The following SCN11A variants were observed in gnomAD, a reference collection of about 807,000 sequenced individuals.
SCN11A encodes sodium voltage-gated channel alpha subunit 11.
In SCN11A, 122 loss-of-function variants were observed where a neutral mutation model predicts 162.2. The ratio of observed to expected loss-of-function variants is 0.75; its 90% CI spans 0.65 to 0.87. SCN11A has a LOEUF of 0.87. Ranked by LOEUF, SCN11A falls within the 40% of genes least tolerant of loss-of-function variation. The pLI is 0.00. For synonymous variants in SCN11A, 758 were observed against 751.5 expected, an observed-to-expected ratio of 1.01 and a Z score of -0.14; for missense variants, 2,015 against 2,181.6, an observed-to-expected ratio of 0.92 and a Z score of 1.52.
intron 2 of SCN11A, among the ~76,000 whole-genome samples, chr3:38,973,262 C>T (rs1372199383): frequency 1.3e-5 from 2 of 152,074 alleles, no homozygotes; most frequent in South Asian, 2.1e-4. Context: ...TTTTTAATTG[C>T]TATATTCGTT....
chr3:38,984,984 G>A (rs926235870), intron 2 of SCN11A, among the ~76,000 whole-genome samples: 3 of 151,202 alleles, frequency 2.0e-5, no homozygotes, highest in Admixed American at 6.6e-5. Flanking sequence ...ATGAGGCAGA[G>A]ATGTAGGCAG....
chr3:38,855,909 C>T (rs750102382), intron 28 of SCN11A, among the ~76,000 whole-genome samples: 2 of 152,200 alleles, frequency 1.3e-5, no homozygotes, highest in Non-Finnish European at 2.9e-5. Context: ...AAACATTCCC[C>T]AGCACCACCC....
At chr3:38,951,366 C>G (rs1312079393) in intron 4 of SCN11A, among the ~76,000 whole-genome samples, 1 of 152,264 alleles carries the variant, frequency 6.6e-6, no homozygotes, top group Non-Finnish European at 1.5e-5. Context: ...CGATTTCTCA[C>G]CGGGCCTTAG....
intron 8 of SCN11A, among the ~76,000 whole-genome samples, chr3:38,925,899 G>A (rs1013479143): frequency 2.0e-5 from 3 of 152,254 alleles, no homozygotes; most frequent in Non-Finnish European, 4.4e-5. Context: ...TAGCCAGGCA[G>A]TGTAGCTCCA....
chr3:39,051,856 T>A lies in SCN11A; in HGVS notation c.-404+5A>T. 1 of 728,992 alleles carries A rather than the reference T, an allele frequency of 1.4e-6. No homozygotes were observed. Among genetic ancestry groups the A allele is most frequent in the Non-Finnish European group, 2.3e-6 (1 of 431,280 alleles). 45.2% of individuals were successfully genotyped at this position (728,992 alleles called of 1,614,324 possible). Reference sequence around the variant, plus strand: ...CACAGTGGTTTTGTTTTTAGGTGCATCTACCTCATCACATGGCTACCGGCC... The same window carrying A: ...CACAGTGGTTTTGTTTTTAGGTGCAACTACCTCATCACATGGCTACCGGCC... On this transcript the variant is annotated splice_donor_5th_base_variant and intron_variant, in intron 1 of 29. Coordinates refer to ENST00000302328, the MANE Select transcript of SCN11A (RefSeq NM_001349253.2).
intron 9 of SCN11A, among the ~76,000 whole-genome samples, chr3:38,924,701 G>T (rs1186620123): frequency 6.6e-6 from 1 of 152,022 alleles, no homozygotes; most frequent in Admixed American, 6.6e-5. Context: ...TAGAGACGAG[G>T]CTTTTCCATA....
intron 22 of SCN11A, among the ~76,000 whole-genome samples, chr3:38,881,449 A>G (rs968981798): frequency 6.6e-6 from 1 of 152,186 alleles, no homozygotes; most frequent in African/African-American, 2.4e-5. Context: ...AAGCTGGTTC[A>G]GCAGATCTGA....
At chr3:38,876,519 A>T (rs1351054946) in intron 23 of SCN11A, among the ~76,000 whole-genome samples, 1 of 152,154 alleles carries the variant, frequency 6.6e-6, no homozygotes, top group African/African-American at 2.4e-5. Context: ...AAGTAAAAAA[A>T]CAAATAATTC....
At chr3:38,951,230 G>A (rs2125578182) in intron 4 of SCN11A, among the ~76,000 whole-genome samples, 2 of 152,290 alleles carry the variant, frequency 1.3e-5, no homozygotes, top group East Asian at 1.9e-4. Context: ...TGGGCTTGGC[G>A]GGCGCCGCAC....
chr3:38,924,641 G>T (rs1186560923), intron 9 of SCN11A, among the ~76,000 whole-genome samples: 1 of 152,076 alleles, frequency 6.6e-6, no homozygotes, highest in Non-Finnish European at 1.5e-5. Flanking sequence ...CCAAAGTGTT[G>T]GGATTACAGG....
At chr3:38,959,455 A>G (rs1054528061) in intron 3 of SCN11A, among the ~76,000 whole-genome samples, 1 of 151,998 alleles carries the variant, frequency 6.6e-6, no homozygotes, top group Non-Finnish European at 1.5e-5. Context: ...CAAGAGGAGA[A>G]AGCCTCACAA....
chr3:38,938,309 A>C (rs2066370354), intron 7 of SCN11A, among the ~76,000 whole-genome samples: 1 of 151,550 alleles, frequency 6.6e-6, no homozygotes, highest in Non-Finnish European at 1.5e-5. Flanking sequence ...GCAGCACACC[A>C]GCATGGCACA....
Position 38,879,970 on chromosome 3 carries a change from G to A in SCN11A, c.3373C>T (p.Leu1125Phe), listed in dbSNP as rs770858177. Residue 1125 changes from leucine to phenylalanine, a missense_variant, in exon 23 of 30, where the codon CTT becomes TTT. By Grantham distance (22) the Leu-to-Phe change is conservative. Coordinates refer to ENST00000302328, the MANE Select transcript of SCN11A (RefSeq NM_001349253.2). ...GKYFTSAWCC[L>F]DFIIVIVSVT... ...CTTACAATCACAATGATGAAATCAA[G>A]GCAGCACCAGGCACTGGTGAAATAC... The A allele has an allele frequency of 6.2e-7, 1 of 1,612,756 alleles. No homozygotes were observed. The highest frequency in any genetic ancestry group is 1.1e-5 in the South Asian group (1 of 90,908).
intron 23 of SCN11A, among the ~76,000 whole-genome samples, chr3:38,879,619 G>A (rs1188421113): frequency 6.6e-6 from 1 of 152,070 alleles, no homozygotes; most frequent in African/African-American, 2.4e-5. Context: ...TAGAAAGTTG[G>A]AAGAAGAAAA....
intron 2 of SCN11A, among the ~76,000 whole-genome samples, chr3:38,984,934 G>A (rs2030180558): frequency 7.0e-6 from 1 of 141,994 alleles, no homozygotes; most frequent in African/African-American, 3.0e-5. Context: ...GAGGAGGCCA[G>A]TGTGACTAGA....
At chr3:38,992,504 G>A (rs1445663030) in intron 2 of SCN11A, among the ~76,000 whole-genome samples, 2 of 152,122 alleles carry the variant, frequency 1.3e-5, no homozygotes, top group African/African-American at 2.4e-5. Context: ...TGCCTTCCCC[G>A]CCTTGACAGT....
chr3:38,893,949 T>C (rs1043597209), intron 19 of SCN11A, among the ~76,000 whole-genome samples: 2 of 152,308 alleles, frequency 1.3e-5, no homozygotes, highest in East Asian at 3.9e-4. Context: ...TGTCACTGCC[T>C]TGATCTGAAA....
At chr3:38,956,424 C>G (rs985347971) in intron 3 of SCN11A, among the ~76,000 whole-genome samples, 1 of 152,090 alleles carries the variant, frequency 6.6e-6, no homozygotes, top group Non-Finnish European at 1.5e-5. Flanking sequence ...CAAAATAAGA[C>G]GTACTTCAAA....
rs758993292 is a variant in SCN11A at position 38,946,848 on chromosome 3, C to G, written c.327G>C (p.Leu109Phe). 2 of 1,614,028 alleles carry G rather than the reference C, an allele frequency of 1.2e-6. No homozygotes were observed. The highest frequency in any genetic ancestry group is 4.5e-5 in the East Asian group (2 of 44,876). The stretch of plus-strand genomic sequence containing the variant: ...TTGAATTGAAAGGCCCAAAAATGAA[C>G]AAGGCATGCTTGGCACTGAAGCGGT... ...TIYRFSAKHA[L>F]FIFGPFNSIR... The change falls in exon 6 of 30, where the codon TTG becomes TTC. Residue 109 changes from leucine to phenylalanine, a missense_variant. Physicochemically the swap from Leu to Phe is conservative, Grantham distance 22. Transcript: ENST00000302328.
Sources: allele counts gnomAD v4.1 joint callset (sites outside exome capture counted in the v4.1 genomes callset), GRCh38; gene constraint gnomAD v4.1.1; transcripts MANE v1.5; gene names NCBI Gene and HGNC (gene_info 2026-07-23, HGNC 2026-07-21).